CHST11: variants seen among roughly 807,000 people sequenced by gnomAD.
The protein encoded by CHST11 is C4S-1.
In CHST11, 9 loss-of-function variants were observed where a neutral mutation model predicts 30.4. That is an observed-to-expected ratio of 0.30 (90% CI 0.18 to 0.52). The LOEUF (loss-of-function observed/expected upper bound fraction) is 0.52. CHST11 is among the 20% of genes least tolerant of loss of function. The pLI, the probability that CHST11 is intolerant of heterozygous loss-of-function variation, is 0.97. For missense variants in CHST11, 348 were observed against 460.6 expected (o/e 0.76, Z 2.24); for synonymous variants, 152 against 187.8 (o/e 0.81, Z 1.56).
chr12:104,577,945 T>G (rs2038701594), intron 1 of CHST11, among the ~76,000 whole-genome samples: 1 of 152,152 alleles, frequency 6.6e-6, no homozygotes, highest in Non-Finnish European at 1.5e-5. Flanking sequence ...CCCCTTTACA[T>G]TTTTTGGTGT....
intron 1 of CHST11, among the ~76,000 whole-genome samples, chr12:104,527,340 C>T (rs930345284): frequency 2.0e-5 from 3 of 152,184 alleles, no homozygotes; most frequent in South Asian, 2.1e-4. Context: ...CACATGGCTA[C>T]CTTGACCGAT....
chr12:104,620,856 G>C (rs988137130), intron 2 of CHST11, among the ~76,000 whole-genome samples: 2 of 152,186 alleles, frequency 1.3e-5, no homozygotes, highest in African/African-American at 4.8e-5. Flanking sequence ...CTAGGAGAAT[G>C]ACAGTCAATT....
chr12:104,727,716 A>G (rs2040226745), intron 2 of CHST11, among the ~76,000 whole-genome samples: 1 of 152,222 alleles, frequency 6.6e-6, no homozygotes, highest in African/African-American at 2.4e-5. Flanking sequence ...AATCCCTTTC[A>G]GTCATTCAAC....
At chr12:104,589,149 CAGCACTTTGGG>C (rs2038833487) in intron 1 of CHST11, among the ~76,000 whole-genome samples, 1 of 152,032 alleles carries the variant, frequency 6.6e-6, no homozygotes, top group Non-Finnish European at 1.5e-5. Context: ...TCTGTAATTC[CAGCACTTTGGG>C]AGGCCGAGGT....
chr12:104,629,886 C>G (rs1030063715), intron 2 of CHST11, among the ~76,000 whole-genome samples: 1 of 152,130 alleles, frequency 6.6e-6, no homozygotes, highest in South Asian at 2.1e-4. Flanking sequence ...CTTAGTGCAG[C>G]CTACCTTAAA....
At chr12:104,512,799 G>C (rs78878425) in intron 1 of CHST11, among the ~76,000 whole-genome samples, 5 of 152,044 alleles carry the variant, frequency 3.3e-5, no homozygotes, top group Non-Finnish European at 7.4e-5. Flanking sequence ...TACTACCAAT[G>C]TGATGGACAG....
At chr12:104,658,916 A>ACTG (rs2039571345) in intron 2 of CHST11, among the ~76,000 whole-genome samples, 1 of 152,258 alleles carries the variant, frequency 6.6e-6, no homozygotes, top group Non-Finnish European at 1.5e-5. Context: ...GCCCAAGGGC[A>ACTG]CGCTGCTAGT....
intron 1 of CHST11, among the ~76,000 whole-genome samples, chr12:104,571,208 G>A (rs1248474346): frequency 1.4e-5 from 2 of 146,938 alleles, no homozygotes; most frequent in Admixed American, 1.4e-4. Flanking sequence ...TTATTGCCCA[G>A]GCTGGAGTGC....
intron 1 of CHST11, among the ~76,000 whole-genome samples, chr12:104,538,405 G>C (rs540945697): frequency 6.6e-4 from 101 of 152,298 alleles, no homozygotes; most frequent in African/African-American, 2.3e-3. Context: ...TATCACTGTT[G>C]ATGTTGACCT....
At chr12:104,494,894 C>T (rs188378171) in intron 1 of CHST11, among the ~76,000 whole-genome samples, 15 of 152,274 alleles carry the variant, frequency 9.9e-5, no homozygotes, top group Non-Finnish European at 1.6e-4. Context: ...TATATTCATA[C>T]TGTTGTGCAA....
In CHST11 at chr12:104,661,640, G is replaced by A. The variant is rs867181014; in HGVS notation, c.204+59649G>A. Among the ~76,000 whole-genome samples, 22 of 152,308 alleles carry A rather than the reference G, an allele frequency of 1.4e-4. 1 individual carries two copies. The highest frequency in any genetic ancestry group is 6.8e-3 in the Middle Eastern group (2 of 294). ...CATGTGGTAGACATTTAGGAAGCAA[G>A]AGAGCCCCTTCTCTCCTGGGTCCTG... On this transcript the variant is annotated intron_variant, in intron 2 of 2. Transcript: ENST00000303694.
chr12:104,471,627 G>A (rs968529599), intron 1 of CHST11, among the ~76,000 whole-genome samples: 3 of 152,126 alleles, frequency 2.0e-5, no homozygotes, highest in African/African-American at 7.2e-5. Context: ...ACTGTCCAGT[G>A]GAAATACACT....
intron 2 of CHST11, among the ~76,000 whole-genome samples, chr12:104,730,596 G>A (rs1229503222): frequency 1.1e-4 from 16 of 152,182 alleles, no homozygotes; most frequent in Non-Finnish European, 2.9e-5. Flanking sequence ...CTGGCCCAGC[G>A]ACGGGCCCAG....
chr12:104,568,466 A>G (rs313318), intron 1 of CHST11, among the ~76,000 whole-genome samples: 40,553 of 151,982 alleles, frequency 0.27, 5,745 homozygotes, highest in Middle Eastern at 0.4. Context: ...ACATTTACTG[A>G]TGAGCTGTAG....
chr12:104,702,920 C>T (rs1208610494), intron 2 of CHST11, among the ~76,000 whole-genome samples: 1 of 152,210 alleles, frequency 6.6e-6, no homozygotes, highest in African/African-American at 2.4e-5. Context: ...TCCAAGTCCT[C>T]CTCATGCCTT....
At chr12:104,602,233 G>A in intron 2 of CHST11, 1 of 530,562 alleles carries the variant, frequency 1.9e-6, no homozygotes, top group Non-Finnish European at 3.3e-6. Flanking sequence ...ACCTGCCCAG[G>A]GTTTGAACTC....
chr12:104,645,105 G>A (rs2039413995), intron 2 of CHST11, among the ~76,000 whole-genome samples: 1 of 151,988 alleles, frequency 6.6e-6, no homozygotes. Context: ...CCGCCACCAC[G>A]CCCGGCTAAT....
rs979225220 is a variant in CHST11 at position 104,759,109 on chromosome 12, G to C, written c.*1306G>C. The C allele has an allele frequency of 6.6e-6, 1 of 152,094 alleles. No homozygotes were observed. Among genetic ancestry groups the C allele is most frequent in the African/African-American group, 2.4e-5 (1 of 41,390 alleles). The allele number at this position is 152,094 out of a possible 1,614,324, so 9.4% of individuals were successfully genotyped here. A position where few individuals can be genotyped will look rare whatever the true frequency, so the allele number is the denominator to read the frequency against. On this transcript the variant is annotated 3_prime_UTR_variant, in exon 3 of 3. Transcript: ENST00000303694. Reference sequence around the variant, plus strand: ...AGTGTGAAATGCCAAGGTGAGACTCGTACACTTGGGGATTTGCAATGGTTT... The same window carrying C: ...AGTGTGAAATGCCAAGGTGAGACTCCTACACTTGGGGATTTGCAATGGTTT...
At chr12:104,577,529 C>G (rs894355713) in intron 1 of CHST11, among the ~76,000 whole-genome samples, 2 of 152,056 alleles carry the variant, frequency 1.3e-5, no homozygotes, top group African/African-American at 4.8e-5. Flanking sequence ...TCTGTACTTT[C>G]TTAGGCAACT....
Sources: allele counts gnomAD v4.1 joint callset (sites outside exome capture counted in the v4.1 genomes callset), GRCh38; gene constraint gnomAD v4.1.1; transcripts MANE v1.5; gene names NCBI Gene and HGNC (gene_info 2026-07-23, HGNC 2026-07-21).